The following SEC16B variants were observed in gnomAD, a reference collection of about 807,000 sequenced individuals.
SEC16B encodes the protein SEC16 homolog B, endoplasmic reticulum export factor, also known as protein transport protein Sec16B.
Under a neutral mutation model 141.8 loss-of-function variants are expected in SEC16B, and 115 were observed. That is an observed-to-expected ratio of 0.81 (90% CI 0.70 to 0.95). The LOEUF (loss-of-function observed/expected upper bound fraction) is 0.95. SEC16B is among the 40% of genes least tolerant of loss of function. The pLI, the probability that SEC16B is intolerant of heterozygous loss-of-function variation, is 0.00. For synonymous variants in SEC16B, 493 were observed against 492.5 expected (o/e 1.00, Z -0.01); for missense variants, 1,291 against 1,312.3 (o/e 0.98, Z 0.25).
intron 13 of SEC16B, among the ~76,000 whole-genome samples, chr1:177,947,527 G>A (rs532648119): frequency 1.8e-4 from 28 of 151,990 alleles, no homozygotes; most frequent in African/African-American, 5.6e-4. Flanking sequence ...ATTCACTCAC[G>A]GCAGAAATTC....
intron 23 of SEC16B, 42 bp downstream of exon 23, chr1:177,932,656 G>A (rs1346129497): frequency 1.3e-6 from 2 of 1,525,018 alleles, no homozygotes; most frequent in African/African-American, 1.4e-5. Context: ...TGGGAGTGCT[G>A]AGGGGACCAC....
intron 10 of SEC16B, among the ~76,000 whole-genome samples, chr1:177,955,580 T>C (rs1652536309): frequency 1.3e-5 from 2 of 151,984 alleles, no homozygotes; most frequent in South Asian, 4.2e-4. Flanking sequence ...ACTCCTGGCC[T>C]CAAGTGATCC....
intron 19 of SEC16B, 33 bp from the exon 20 acceptor site, chr1:177,936,398 G>C: frequency 7.7e-6 from 12 of 1,565,530 alleles, no homozygotes; most frequent in Non-Finnish European, 1.0e-5. Context: ...AATAGCAATT[G>C]GAAGTTGTGC....
upstream of SEC16B, among the ~76,000 whole-genome samples, chr1:177,970,539 G>A (rs1222129302): frequency 2.6e-5 from 4 of 152,136 alleles, no homozygotes; most frequent in Non-Finnish European, 4.4e-5. Context: ...AAGGGGACAC[G>A]CTCACTGGTG....
intron 25 of SEC16B, 22 bp from the exon 26 acceptor site, chr1:177,929,951 T>C (rs887839440): frequency 5.6e-6 from 9 of 1,610,940 alleles, no homozygotes; most frequent in Non-Finnish European, 7.6e-6. Flanking sequence ...GAACAAATAT[T>C]ACACTGAGTA....
Position 177,933,640 on chromosome 1 carries a change from G to A in SEC16B, c.2572-4C>T. ...GTGGTCTAGCAGCCAATGGTGTCTG[G>A]AATTAAAGAAATAACTCACATTTGC... On this transcript the variant is annotated splice_region_variant and splice_polypyrimidine_tract_variant and intron_variant, in intron 20 of 25. Transcript: ENST00000308284. 6.2e-7 allele frequency: 1 copy of A among 1,613,704 alleles called. No individual in the cohort carries two copies. Among genetic ancestry groups the A allele is most frequent in the Non-Finnish European group, 8.5e-7 (1 of 1,179,730 alleles).
At chr1:177,963,764 A>T (rs12081141) in intron 5 of SEC16B, among the ~76,000 whole-genome samples, 1 of 152,222 alleles carries the variant, frequency 6.6e-6, no homozygotes, top group Non-Finnish European at 1.5e-5. Flanking sequence ...GAGTTAGAAA[A>T]GGTTTCAAGC....
chr1:177,968,138 A>AAT (rs1160809397), intron 1 of SEC16B, 99 bp from the exon 2 acceptor site: 2 of 652,482 alleles, frequency 3.1e-6, no homozygotes, highest in East Asian at 2.7e-5. Flanking sequence ...TGGTCCTCGA[A>AAT]ATATATCTAA....
rs1271621926 is a variant in SEC16B at position 177,954,264 on chromosome 1, T to C, written c.1463+15A>G. 1 of 1,553,312 alleles carries C rather than the reference T, an allele frequency of 6.4e-7. No individual in the cohort carries two copies. The highest frequency in any genetic ancestry group is 1.4e-5 in the African/African-American group (1 of 73,248). On this transcript the variant is annotated intron_variant, in intron 11 of 25. Coordinates refer to ENST00000308284, the MANE Select transcript of SEC16B (RefSeq NM_033127.4). The stretch of plus-strand genomic sequence containing the variant: ...TCTCTGCCCCACTGGCCTCTTTTGT[T>C]AAGTCCTGACTCACCCACTCATGAC...
At chr1:177,961,042 G>A in intron 6 of SEC16B, 103 bp from the exon 7 acceptor site, 1 of 1,317,576 alleles carries the variant, frequency 7.6e-7, no homozygotes, top group South Asian at 1.4e-5. Flanking sequence ...AATTCTGCCT[G>A]AACCAAAATA....
At chr1:177,948,596 G>GC in intron 12 of SEC16B, 1 of 1,303,966 alleles carries the variant, frequency 7.7e-7, no homozygotes, top group African/African-American at 1.5e-5. Context: ...ACAAAGCCCC[G>GC]CATCAATGGT....
At chr1:177,937,617 C>A in intron 18 of SEC16B, 104 bp from the exon 19 acceptor site, 1 of 1,038,594 alleles carries the variant, frequency 9.6e-7, no homozygotes, top group Non-Finnish European at 1.4e-6. Flanking sequence ...GGAAAGCAGT[C>A]ACAAGGACGA....
intron 15 of SEC16B, among the ~76,000 whole-genome samples, chr1:177,942,925 T>C (rs1225863790): frequency 2.0e-5 from 3 of 152,142 alleles, no homozygotes; most frequent in African/African-American, 7.2e-5. Context: ...ACTCCCTTGG[T>C]TGTTATGGAG....
Position 177,951,961 on chromosome 1 carries a change from G to A in SEC16B, c.1498C>T (p.Gln500Ter), listed in dbSNP as rs1477664153. 9 of 1,607,278 alleles carry A rather than the reference G, an allele frequency of 5.6e-6. No homozygotes were observed. Among genetic ancestry groups the A allele is most frequent in the Non-Finnish European group, 7.6e-6 (9 of 1,177,230 alleles). ...CCCGACATGAGCTGGAAGAGGGTCT[G>A]CAGTGGGTCATTGAGCGCCAGCGTG... ...TSTLALNDPLQTLFQLMSGRI... is the reference protein window; with the variant it reads ...TSTLALNDPL Residue 500 changes from glutamine to a stop codon, truncating the protein, a stop_gained, in exon 12 of 26, where the codon CAG becomes TAG. Transcript: ENST00000308284. LOFTEE classifies it high-confidence loss of function.
intron 1 of SEC16B, among the ~76,000 whole-genome samples, chr1:177,969,108 T>C (rs113069470): frequency 0.029 from 4,435 of 152,282 alleles, 105 homozygotes; most frequent in African/African-American, 0.053. Flanking sequence ...ATTTTTTTCT[T>C]CCTTAGGAAC....
At chr1:177,939,932 G>A (rs940250892) in intron 17 of SEC16B, among the ~76,000 whole-genome samples, 155 bp from the exon 18 acceptor site, 8 of 152,316 alleles carry the variant, frequency 5.3e-5, no homozygotes, top group South Asian at 2.1e-4. Context: ...GGGGGGTCAC[G>A]TGGACAGGGC....
Position 177,947,828 on chromosome 1 carries a change from G to A in SEC16B, c.1660C>T (p.Leu554=). ...GGGAAATGCTGGTGTCGCTTACCCA[G>A]GGTGTCCCCAATGGCAACAATCGCA... ...QRAIVAIGDT[L]AGKGLVEAAH... The change falls in exon 13 of 26, where the codon CTG becomes TTG. Residue 554 remains leucine, a synonymous_variant. Coordinates refer to ENST00000308284, the MANE Select transcript of SEC16B (RefSeq NM_033127.4). 2 of 1,551,408 alleles carry A rather than the reference G, an allele frequency of 1.3e-6. No homozygotes were observed. Among genetic ancestry groups the A allele is most frequent in the Admixed American group, 1.9e-5 (1 of 51,338 alleles).
At chr1:177,935,293 T>C (rs531385) in intron 20 of SEC16B, among the ~76,000 whole-genome samples, 62,269 of 152,002 alleles carry the variant, frequency 0.41, 13,680 homozygotes, top group East Asian at 0.72. Context: ...TGTGACAGGG[T>C]CTGGCACATT....
intron 8 of SEC16B, 200 bp from the exon 9 acceptor site, chr1:177,959,175 C>G: frequency 1.6e-6 from 1 of 630,206 alleles, no homozygotes; most frequent in Non-Finnish European, 2.9e-6. Context: ...CAGAGATTCT[C>G]TCATGCACCC....
Sources: allele counts gnomAD v4.1 joint callset (sites outside exome capture counted in the v4.1 genomes callset), GRCh38; gene constraint gnomAD v4.1.1; transcripts MANE v1.5; gene names NCBI Gene and HGNC (gene_info 2026-07-23, HGNC 2026-07-21).